Variants in COQ10B observed in about 807,000 individuals in gnomAD.
The protein encoded by COQ10B is coenzyme Q10B, also known as coenzyme Q-binding protein COQ10 homolog B, mitochondrial.
Under a neutral mutation model 27.6 loss-of-function variants are expected in COQ10B, and 12 were observed. That is an observed-to-expected ratio of 0.43 (90% CI 0.28 to 0.70). The LOEUF is 0.70. Ranked by LOEUF, COQ10B falls within the 30% of genes least tolerant of loss-of-function variation. The probability of loss-of-function intolerance (pLI) is 0.17; values close to 1 mark genes in which losing one functional copy is unlikely to be tolerated. For missense variants in COQ10B, 278 were observed against 288.7 expected (o/e 0.96, Z 0.27); for synonymous variants, 115 against 103.0 (o/e 1.12, Z -0.71).
chr2:197,469,244 G>T (rs946160733), intron 3 of COQ10B, among the ~76,000 whole-genome samples: 1 of 151,728 alleles, frequency 6.6e-6, no homozygotes, highest in African/African-American at 2.4e-5. Context: ...TCGTTCTGTT[G>T]CCCAGGCTGG....
intron 3 of COQ10B, among the ~76,000 whole-genome samples, chr2:197,465,807 T>C (rs2085819249): frequency 6.6e-6 from 1 of 152,024 alleles, no homozygotes; most frequent in African/African-American, 2.4e-5. Context: ...ACAAACAGGC[T>C]GGATGTGGTG....
At chr2:197,455,415 C>T (rs764549695) in intron 1 of COQ10B, among the ~76,000 whole-genome samples, 2 of 151,180 alleles carry the variant, frequency 1.3e-5, no homozygotes, top group African/African-American at 4.9e-5. Flanking sequence ...TGCCTGAGCT[C>T]ATGAAACCAG....
intron 4 of COQ10B, 63 bp from the exon 5 acceptor site, chr2:197,473,694 C>CA (rs2085917175): frequency 1.1e-4 from 122 of 1,073,030 alleles, no homozygotes; most frequent in Non-Finnish European, 1.5e-4. Context: ...TCCAGGAAAA[C>CA]CAAAAAAAAA....
intron 1 of COQ10B, 78 bp downstream of exon 1, chr2:197,453,742 G>A: frequency 1.6e-6 from 2 of 1,289,548 alleles, no homozygotes; most frequent in South Asian, 1.2e-5. Context: ...AAGGATTTGG[G>A]GGTGAGGCAG....
intron 4 of COQ10B, among the ~76,000 whole-genome samples, chr2:197,471,769 C>G (rs1385323808): frequency 6.6e-6 from 1 of 151,906 alleles, no homozygotes; most frequent in Non-Finnish European, 1.5e-5. Flanking sequence ...TGGCGAAACC[C>G]CATCTCTACT....
rs2085758448 is a variant in COQ10B, at chr2:197,461,589, GTGTGT to G, written c.255-949_255-945del. 2.6e-5 allele frequency among the ~76,000 whole-genome samples: 4 copies of G among 151,252 alleles called. No homozygotes were observed. In the South Asian group the frequency reaches 8.3e-4, roughly 31 times the overall value. On this transcript the variant is annotated intron_variant, in intron 2 of 4. Transcript: ENST00000263960. ...TGTGTGTGTGTGTGTGTGTGTGTGT[GTGTGT>G]GAGGGAGGGAGAGGGAGAGGTGTAC...
intron 1 of COQ10B, 104 bp downstream of exon 1, chr2:197,453,768 A>C (rs1574575491): frequency 2.7e-6 from 3 of 1,130,444 alleles, no homozygotes; most frequent in African/African-American, 1.5e-5. Context: ...GACTCGGTGC[A>C]TTTCCGTGTC....
intron 3 of COQ10B, among the ~76,000 whole-genome samples, chr2:197,464,080 C>T (rs1292967979): frequency 1.5e-5 from 2 of 136,608 alleles, no homozygotes; most frequent in Admixed American, 1.6e-4. Flanking sequence ...CACACACACA[C>T]ATATATATAT....
chr2:197,468,413 A>C (rs1273204330), intron 3 of COQ10B, among the ~76,000 whole-genome samples: 1 of 146,868 alleles, frequency 6.8e-6, no homozygotes, highest in Non-Finnish European at 1.5e-5. Flanking sequence ...ACTGCACTCC[A>C]GCCTGGGTGA....
At chr2:197,456,545 A>G (rs1203610301) in intron 1 of COQ10B, among the ~76,000 whole-genome samples, 2 of 151,750 alleles carry the variant, frequency 1.3e-5, no homozygotes, top group Non-Finnish European at 2.9e-5. Context: ...TGGGCGGATC[A>G]CAAGGTCAGG....
At chr2:197,460,224 TTTC>T in intron 2 of COQ10B, 143 bp downstream of exon 2, 3 of 546,286 alleles carry the variant, frequency 5.5e-6, no homozygotes, top group Non-Finnish European at 6.0e-6. Flanking sequence ...TTTTTTTTTT[TTTC>T]TTTTGAGATG....
At chr2:197,453,836 C>T in intron 1 of COQ10B, 172 bp downstream of exon 1, 2 of 1,080,636 alleles carry the variant, frequency 1.9e-6, no homozygotes, top group African/African-American at 1.6e-5. Context: ...GAGCGGCGCG[C>T]ATCACCTTGG....
At chr2:197,471,522 T>C (rs1158380053) in intron 4 of COQ10B, among the ~76,000 whole-genome samples, 1 of 152,214 alleles carries the variant, frequency 6.6e-6, no homozygotes, top group Non-Finnish European at 1.5e-5. Context: ...ACAGGTAATA[T>C]GGGAGTTGTT....
At chr2:197,460,482 C>T (rs978988853) in intron 2 of COQ10B, among the ~76,000 whole-genome samples, 2 of 152,200 alleles carry the variant, frequency 1.3e-5, no homozygotes, top group African/African-American at 4.8e-5. Context: ...TGAGCCACTG[C>T]TCCTGACCTA....
intron 4 of COQ10B, among the ~76,000 whole-genome samples, chr2:197,473,086 G>T (rs2085895811): frequency 6.6e-6 from 1 of 151,914 alleles, no homozygotes. Context: ...AGATTTCATT[G>T]GCCTTCTTTA....
chr2:197,464,028 TACATAC>T (rs1247377983), intron 3 of COQ10B, among the ~76,000 whole-genome samples: 8 of 76,076 alleles, frequency 1.1e-4, no homozygotes, highest in African/African-American at 3.4e-4. Flanking sequence ...CACACACACA[TACATAC>T]ACACACATAT....
At chr2:197,460,208 T>TTA in intron 2 of COQ10B, 127 bp downstream of exon 2, 4 of 628,800 alleles carry the variant, frequency 6.4e-6, no homozygotes, top group Non-Finnish European at 7.5e-6. Context: ...GTTGGCCTTT[T>TTA]TCTTTTTTTT....
chr2:197,465,991 C>T (rs2085820947), intron 3 of COQ10B, among the ~76,000 whole-genome samples: 1 of 152,102 alleles, frequency 6.6e-6, no homozygotes, highest in African/African-American at 2.4e-5. Flanking sequence ...ACTCGGGAGG[C>T]TGAGGCAGAA....
At chr2:197,454,853 A>G (rs2085679307) in intron 1 of COQ10B, among the ~76,000 whole-genome samples, 1 of 152,138 alleles carries the variant, frequency 6.6e-6, no homozygotes, top group African/African-American at 2.4e-5. Flanking sequence ...TAAGTATATG[A>G]GAGAGTGGTA....
Sources: allele counts gnomAD v4.1 joint callset (sites outside exome capture counted in the v4.1 genomes callset), GRCh38; gene constraint gnomAD v4.1.1; transcripts MANE v1.5; gene names NCBI Gene and HGNC (gene_info 2026-07-23, HGNC 2026-07-21).